The following GRIK2 variants were observed in gnomAD, a reference collection of about 807,000 sequenced individuals.
GRIK2 encodes glutamate receptor ionotropic, kainate 2.
A neutral mutation model predicts 100.3 loss-of-function variants in GRIK2; 32 were observed. The observed-to-expected ratio is 0.32, with a 90% CI of 0.24 to 0.43. The LOEUF (loss-of-function observed/expected upper bound fraction) is 0.43, where lower values mean the gene tolerates loss of function less well. GRIK2 is among the 20% of genes least tolerant of loss of function. The probability of loss-of-function intolerance (pLI) is 1.00; values close to 1 mark genes in which losing one functional copy is unlikely to be tolerated. For synonymous variants in GRIK2, 417 were observed against 389.4 expected (o/e 1.07, Z -0.83); for missense variants, 843 against 1,114.9 (o/e 0.76, Z 3.47).
chr6:101,656,974 C>A (rs958086318), intron 4 of GRIK2, among the ~76,000 whole-genome samples: 2 of 152,166 alleles, frequency 1.3e-5, no homozygotes, highest in African/African-American at 4.8e-5. Flanking sequence ...TCTGGCTTTG[C>A]CATTTAATAG....
chr6:101,918,002 G>T (rs1277742336), intron 12 of GRIK2, among the ~76,000 whole-genome samples: 2 of 151,524 alleles, frequency 1.3e-5, no homozygotes, highest in Admixed American at 1.3e-4. Context: ...AATGTGAAAA[G>T]CTATTTATTT....
chr6:101,476,069 G>A (rs548407616), intron 2 of GRIK2, among the ~76,000 whole-genome samples: 30 of 152,078 alleles, frequency 2.0e-4, no homozygotes, highest in Admixed American at 7.9e-4. Context: ...TTTTAGTGAG[G>A]CATTGACAAA....
intron 2 of GRIK2, among the ~76,000 whole-genome samples, chr6:101,521,139 C>T (rs1375649774): frequency 6.6e-6 from 1 of 151,872 alleles, no homozygotes; most frequent in Non-Finnish European, 1.5e-5. Context: ...TATAGTTTCT[C>T]TAAAGAAATG....
At chr6:101,492,167 C>T (rs1262304562) in intron 2 of GRIK2, among the ~76,000 whole-genome samples, 1 of 151,752 alleles carries the variant, frequency 6.6e-6, no homozygotes, top group Non-Finnish European at 1.5e-5. Flanking sequence ...AGTTGAAAGT[C>T]TTATATCTAG....
At chr6:102,061,930 C>T (rs1160580439) in intron 16 of GRIK2, among the ~76,000 whole-genome samples, 1 of 150,038 alleles carries the variant, frequency 6.7e-6, no homozygotes, top group Non-Finnish European at 1.5e-5. Context: ...AAAATCGTAT[C>T]ATTATGACTA....
At chr6:101,633,352 A>G (rs1780855722) in intron 4 of GRIK2, among the ~76,000 whole-genome samples, 1 of 152,154 alleles carries the variant, frequency 6.6e-6, no homozygotes, top group Non-Finnish European at 1.5e-5. Flanking sequence ...TGGTATCAGG[A>G]CATTCTAGAC....
Position 102,006,387 on chromosome 6 carries a change from TA to T in GRIK2, c.2086-28953del, listed in dbSNP as rs1409510231. Among the ~76,000 whole-genome samples, 847 of 115,444 alleles carry T rather than the reference TA, an allele frequency of 7.3e-3. 12 individuals carry two copies. The highest frequency in any genetic ancestry group is 0.032 in the African/African-American group (708 of 21,872). The allele number at this position is 115,444 out of a possible 152,430, so 75.7% of individuals were successfully genotyped here. On this transcript the variant is annotated intron_variant, in intron 14 of 16. Coordinates refer to ENST00000369134, the MANE Select transcript of GRIK2 (RefSeq NM_021956.5). Reference sequence around the variant, plus strand: ...AACCTTTTATATATATATATATATATATATTTTTTTTTTTTTTGAGACATAC... The same window carrying T: ...AACCTTTTATATATATATATATATATTATTTTTTTTTTTTTTGAGACATAC...
chr6:102,064,876 G>A (rs1273960291), intron 16 of GRIK2, among the ~76,000 whole-genome samples: 1 of 151,194 alleles, frequency 6.6e-6, no homozygotes, highest in African/African-American at 2.4e-5. Context: ...AATTTGCCAT[G>A]TTAATTGTAA....
intron 4 of GRIK2, among the ~76,000 whole-genome samples, chr6:101,666,055 G>C (rs1219888364): frequency 6.6e-6 from 1 of 152,088 alleles, no homozygotes; most frequent in Non-Finnish European, 1.5e-5. Context: ...GGCCTCCAAG[G>C]CCACCTTCAC....
intron 7 of GRIK2, among the ~76,000 whole-genome samples, chr6:101,689,951 C>T (rs1428747902): frequency 6.6e-6 from 1 of 152,140 alleles, no homozygotes; most frequent in African/African-American, 2.4e-5. Context: ...CTTCCCCAGT[C>T]CTCTGACCAG....
chr6:101,932,324 T>G, intron 14 of GRIK2, among the ~76,000 whole-genome samples: 1 of 152,144 alleles, frequency 6.6e-6, no homozygotes, highest in African/African-American at 2.4e-5. Context: ...TTGGCACATA[T>G]TTTAAAAATG....
At chr6:101,923,479 T>C (rs1026130113) in intron 12 of GRIK2, among the ~76,000 whole-genome samples, 1 of 152,204 alleles carries the variant, frequency 6.6e-6, no homozygotes, top group East Asian at 1.9e-4. Flanking sequence ...ACATTAGAGA[T>C]GTTAAGATTT....
intron 10 of GRIK2, among the ~76,000 whole-genome samples, chr6:101,820,777 C>A (rs542878857): frequency 6.6e-6 from 1 of 152,246 alleles, no homozygotes; most frequent in East Asian, 1.9e-4. Context: ...AGTAAAAATC[C>A]TATTCATTTT....
At chr6:101,810,083 A>G (rs1167316139) in intron 9 of GRIK2, among the ~76,000 whole-genome samples, 1 of 134,960 alleles carries the variant, frequency 7.4e-6, no homozygotes, top group Admixed American at 7.2e-5. Context: ...TAACATATAT[A>G]TATGTATAAA....
intron 7 of GRIK2, among the ~76,000 whole-genome samples, chr6:101,706,299 C>A (rs1302981014): frequency 1.3e-5 from 2 of 151,750 alleles, no homozygotes; most frequent in Non-Finnish European, 2.9e-5. Context: ...AAAATTAAAT[C>A]AAGTAGGTGC....
At chr6:101,828,699 A>C (rs781053581) in intron 10 of GRIK2, among the ~76,000 whole-genome samples, 6 of 152,018 alleles carry the variant, frequency 3.9e-5, no homozygotes, top group Admixed American at 6.6e-5. Flanking sequence ...AGAAACACAC[A>C]ACCTTCCAAG....
intron 15 of GRIK2, among the ~76,000 whole-genome samples, chr6:102,050,710 G>C (rs1425275143): frequency 1.6e-5 from 2 of 126,976 alleles, no homozygotes; most frequent in South Asian, 5.3e-4. Context: ...GGCAAAAAAA[G>C]AAAAAGAAAA....
chr6:101,711,746 A>G (rs1211071536), intron 7 of GRIK2, among the ~76,000 whole-genome samples: 1 of 151,822 alleles, frequency 6.6e-6, no homozygotes, highest in Non-Finnish European at 1.5e-5. Context: ...AAATTCTGTT[A>G]AGGTCTAAAC....
At chr6:101,432,615 C>T (rs896169161) in intron 2 of GRIK2, among the ~76,000 whole-genome samples, 2 of 152,100 alleles carry the variant, frequency 1.3e-5, no homozygotes, top group Non-Finnish European at 2.9e-5. Flanking sequence ...TACAAATGTG[C>T]ACTTCTATTT....
Sources: gnomAD v4.1 joint callset for allele counts (sites outside exome capture counted in the v4.1 genomes callset) on GRCh38, gnomAD v4.1.1 for gene constraint, MANE v1.5 for transcripts, NCBI Gene and HGNC (gene_info 2026-07-23, HGNC 2026-07-21) for gene names.